The following STRIP2 variants were observed in gnomAD, a reference collection of about 807,000 sequenced individuals.
The protein encoded by STRIP2 is striatin interacting protein 2, also known as striatin-interacting protein 2.
STRIP2 carries 84 observed loss-of-function variants against 107.1 expected under a neutral mutation model. The observed-to-expected ratio is 0.78, with a 90% confidence interval of 0.66 to 0.94. The LOEUF is 0.94. Among genes scored for constraint, STRIP2 ranks in the 40% least tolerant of loss-of-function variants. The pLI, the probability that STRIP2 is intolerant of heterozygous loss-of-function variation, is 0.00. For synonymous variants in STRIP2, 394 were observed against 400.4 expected, an observed-to-expected ratio of 0.98 and a Z score of 0.19; for missense variants, 888 against 1,034.2, an observed-to-expected ratio of 0.86 and a Z score of 1.94.
chr7:129,482,622 C>T (rs1799154815), intron 19 of STRIP2, among the ~76,000 whole-genome samples: 1 of 151,984 alleles, frequency 6.6e-6, no homozygotes, highest in South Asian at 2.1e-4. Context: ...ACGTGATCCA[C>T]TGGCTTCGGC....
At chr7:129,477,148 A>G (rs2151016880) in intron 18 of STRIP2, among the ~76,000 whole-genome samples, 1 of 134,298 alleles carries the variant, frequency 7.4e-6, no homozygotes, top group South Asian at 2.7e-4. Flanking sequence ...TCCGCTCGGC[A>G]TCAGAGGGAG....
intron 1 of STRIP2, among the ~76,000 whole-genome samples, chr7:129,437,811 GTT>G (rs1299449784): frequency 7.9e-6 from 1 of 126,948 alleles, no homozygotes; most frequent in Non-Finnish European, 1.7e-5. Flanking sequence ...GTTTTTTTTT[GTT>G]TTTTTTTTTT....
rs751598373 is a variant in STRIP2 at position 129,456,535 on chromosome 7, G to A, written c.931G>A (p.Val311Met). The change falls in exon 9 of 21, where the codon GTG becomes ATG. Residue 311 changes from valine (V) to methionine (M), a missense_variant. Transcript: ENST00000249344. Reference protein sequence around the residue: ...PPLAEDSIQVVKSMRAASPPS... With the variant: ...PPLAEDSIQVMKSMRAASPPS... The stretch of plus-strand genomic sequence containing the variant: ...ACTGGCTGAAGACAGTATCCAGGTG[G>A]TGAAGAGCATGCGTGCTGCCTCCCC... 7 of 1,613,978 alleles carry A rather than the reference G, an allele frequency of 4.3e-6. No individual in the cohort carries two copies. The East Asian group carries it at 1.1e-4, about 26-fold the overall frequency.
chr7:129,462,883 C>A, intron 13 of STRIP2, 83 bp from the exon 14 acceptor site: 1 of 1,051,572 alleles, frequency 9.5e-7, no homozygotes, highest in Non-Finnish European at 1.5e-6. Flanking sequence ...GTGCTCTTTT[C>A]AGGTCACCCC....
Position 129,458,275 on chromosome 7 carries a change from G to C in STRIP2, c.1099G>C (p.Glu367Gln). The C allele has an allele frequency of 6.2e-7, 1 of 1,614,202 alleles. No individual in the cohort carries two copies. The highest frequency in any genetic ancestry group is 8.5e-7 in the Non-Finnish European group (1 of 1,180,038). Residue 367 changes from glutamate to glutamine, a missense_variant, in exon 10 of 21, where the codon GAG becomes CAG. Glu to Gln is a conservative substitution (Grantham distance 29, BLOSUM62 2). Transcript: ENST00000249344. This position sits in a 1 kb window ranked among gnomAD's most constrained non-coding sequence, Gnocchi z 4.6. ...IYNERDLFKT[E>Q]EPATEEEEES... Reference sequence around the variant, plus strand: ...CAATGAAAGGGATCTCTTCAAGACTGAGGAGCCCGCCACAGAGGAGGAAGA... The same window carrying C: ...CAATGAAAGGGATCTCTTCAAGACTCAGGAGCCCGCCACAGAGGAGGAAGA...
chr7:129,434,471 GCAT>G lies in STRIP2; in HGVS notation c.-1_2del. ...CCCTGAGGGGAGCCGCTGACCAGCA[GCAT>G]GGAGGACCCCGCCGCGCCTGGGACC... On this transcript the variant is annotated start_lost and 5_prime_UTR_variant, in exon 1 of 21. Coordinates refer to ENST00000249344, the MANE Select transcript of STRIP2 (RefSeq NM_020704.3). 1 of 1,511,560 alleles carries G rather than the reference GCAT, an allele frequency of 6.6e-7. No individual in the cohort carries two copies. The highest frequency in any genetic ancestry group is 1.2e-5 in the South Asian group (1 of 81,394). 93.6% of individuals were successfully genotyped at this position (1,511,560 alleles called of 1,614,324 possible).
chr7:129,477,096 G>T lies in STRIP2; in HGVS notation c.1945-3689G>T, dbSNP rs201731166. ...AGGCTGAGGCAGGAGAATCAGGCAG[G>T]GAGGTTGCAGTGAGCGGAGATGGCA... On this transcript the variant is annotated intron_variant, in intron 18 of 20. Coordinates refer to ENST00000249344, the MANE Select transcript of STRIP2 (RefSeq NM_020704.3). Among the ~76,000 whole-genome samples the T allele has an allele frequency of 1.5e-4, 22 of 151,472 alleles. No individual in the cohort carries two copies. In the East Asian group the frequency reaches 3.5e-3, roughly 24 times the overall value.
chr7:129,480,391 T>G lies in STRIP2; in HGVS notation c.1945-394T>G, dbSNP rs182076335. 2.6e-3 allele frequency among the ~76,000 whole-genome samples: 402 copies of G among 152,332 alleles called. 6 individuals are homozygous for G. Among genetic ancestry groups the G allele is most frequent in the Non-Finnish European group, 3.6e-3 (247 of 68,028 alleles). ...GATATCAGATCCATCCAACATAGTTTAAAATCTACCAGAATTAGACCTAAT... is the reference window on the plus strand; with the variant it reads ...GATATCAGATCCATCCAACATAGTTGAAAATCTACCAGAATTAGACCTAAT... On this transcript the variant is annotated intron_variant, in intron 18 of 20. Transcript: ENST00000249344.
At chr7:129,452,494 G>A (rs1289357567) in intron 4 of STRIP2, among the ~76,000 whole-genome samples, 1 of 152,200 alleles carries the variant, frequency 6.6e-6, no homozygotes, top group East Asian at 1.9e-4. Context: ...TATCTCTTGG[G>A]TCTGGTGCTC....
At position 129,463,030 on chromosome 7, in the gene STRIP2, C is replaced by T. The variant is rs756286396; in HGVS notation, c.1541C>T (p.Pro514Leu). 34 of 1,613,448 alleles carry T rather than the reference C, an allele frequency of 2.1e-5. No individual in the cohort carries two copies. The highest frequency in any genetic ancestry group is 1.5e-4 in the African/African-American group (11 of 74,918). The change falls in exon 14 of 21, where the codon CCG becomes CTG. Residue 514 changes from proline to leucine, a missense_variant. Transcript: ENST00000249344. ...TACCAGGGAATGCTGTACAGCCTTC[C>T]GCAGTATATGGTAAGGAGATGGCTA... is the stretch of plus-strand genomic sequence containing the variant. Reference protein sequence around the residue: ...ILYQGMLYSLPQYMIALLKIL... With the variant: ...ILYQGMLYSLLQYMIALLKIL...
intron 3 of STRIP2, among the ~76,000 whole-genome samples, chr7:129,448,309 G>A (rs1034266250): frequency 6.6e-5 from 10 of 152,238 alleles, no homozygotes; most frequent in Admixed American, 1.3e-4. Flanking sequence ...AGTAGTCCCC[G>A]AAATGTCTGA....
At chr7:129,477,111 C>T (rs1020953681) in intron 18 of STRIP2, among the ~76,000 whole-genome samples, 37 of 149,412 alleles carry the variant, frequency 2.5e-4, no homozygotes, top group Non-Finnish European at 4.7e-4. Context: ...TTGCAGTGAG[C>T]GGAGATGGCA....
chr7:129,439,873 A>G lies in STRIP2; in HGVS notation c.130-149A>G, dbSNP rs529084814. On this transcript the variant is annotated intron_variant, in intron 1 of 20. Coordinates refer to ENST00000249344, the MANE Select transcript of STRIP2 (RefSeq NM_020704.3). ...TGGCTTGGCGTAGGGTACCTCTGAG[A>G]TGAAAGACCCAAATAGGACTCTCCT... 6.3e-6 allele frequency: 4 copies of G among 633,972 alleles called. No homozygotes were observed. The South Asian group carries it at 7.8e-5, about 12-fold the overall frequency. The allele number at this position is 633,972 out of a possible 1,614,324, so 39.3% of individuals were successfully genotyped here. A position where few individuals can be genotyped will look rare whatever the true frequency, so the allele number is the denominator to read the frequency against.
At chr7:129,480,322 G>C (rs774042808) in intron 18 of STRIP2, among the ~76,000 whole-genome samples, 4 of 152,132 alleles carry the variant, frequency 2.6e-5, no homozygotes, top group Non-Finnish European at 4.4e-5. Context: ...GTTTGATAAA[G>C]GAGGGTGAAG....
chr7:129,470,576 GC>G (rs1798766611), intron 17 of STRIP2, 72 bp from the exon 18 acceptor site: 2 of 1,252,952 alleles, frequency 1.6e-6, no homozygotes, highest in Admixed American at 3.4e-5. Context: ...AATAACTCCT[GC>G]CCTTTCCAGA....
chr7:129,468,297 C>T (rs184178030), intron 17 of STRIP2, among the ~76,000 whole-genome samples: 1 of 152,238 alleles, frequency 6.6e-6, no homozygotes, highest in Non-Finnish European at 1.5e-5. Context: ...TCAGTACTGC[C>T]TGAAATTCCA....
intron 1 of STRIP2, among the ~76,000 whole-genome samples, chr7:129,439,199 T>C (rs1797831830): frequency 6.6e-6 from 1 of 152,186 alleles, no homozygotes; most frequent in Admixed American, 6.5e-5. Context: ...TGACTCATTA[T>C]GAATAACTGA....
rs544536095 is a variant in STRIP2, at chr7:129,486,996, C to CTTTTTTTTTTT, written c.*1191_*1201dup. On this transcript the variant is annotated 3_prime_UTR_variant, in exon 21 of 21. Transcript: ENST00000249344. ...TTTCTGATTTAGTTAGGATCATATG[C>CTTTTTTTTTTT]TTTTTTTTTTTTTTTTTTTTTTTTT... 2 of 53,168 alleles carry CTTTTTTTTTTT rather than the reference C, an allele frequency of 3.8e-5. No individual in the cohort carries two copies. Among genetic ancestry groups the CTTTTTTTTTTT allele is most frequent in the Non-Finnish European group, 6.3e-5 (2 of 31,794 alleles). The allele number at this position is 53,168 out of a possible 1,614,324, so 3.3% of individuals were successfully genotyped here.
At chr7:129,473,727 AT>A (rs910160938) in intron 18 of STRIP2, among the ~76,000 whole-genome samples, 12 of 150,108 alleles carry the variant, frequency 8.0e-5, no homozygotes, top group African/African-American at 2.7e-4. Context: ...TTATTTATTT[AT>A]TTTTTTTGAG....
Sources: gnomAD v4.1 joint callset for allele counts (sites outside exome capture counted in the v4.1 genomes callset) on GRCh38, gnomAD v4.1.1 for gene constraint, Gnocchi (gnomAD v3.1) non-coding constraint, MANE v1.5 for transcripts, NCBI Gene and HGNC (gene_info 2026-07-23, HGNC 2026-07-21) for gene names.